The following SLC17A6 variants were observed in gnomAD, a reference collection of about 807,000 sequenced individuals.
SLC17A6 encodes solute carrier family 17 member 6, also known as vesicular glutamate transporter 2.
In SLC17A6, 35 loss-of-function variants were observed where a neutral mutation model predicts 67.1. The ratio of observed to expected loss-of-function variants is 0.52; its 90% CI spans 0.40 to 0.69. The LOEUF (loss-of-function observed/expected upper bound fraction) is 0.69. Among genes scored for constraint, SLC17A6 ranks in the 30% least tolerant of loss-of-function variants. The probability of loss-of-function intolerance (pLI) is 0.00; values close to 1 mark genes in which losing one functional copy is unlikely to be tolerated. For missense variants in SLC17A6, 588 were observed against 723.9 expected, an observed-to-expected ratio of 0.81 and a Z score of 2.15; for synonymous variants, 285 against 252.3, an observed-to-expected ratio of 1.13 and a Z score of -1.23.
intron 7 of SLC17A6, among the ~76,000 whole-genome samples, chr11:22,369,620 A>T (rs1175846052): frequency 6.6e-6 from 1 of 151,804 alleles, no homozygotes; most frequent in African/African-American, 2.4e-5. Flanking sequence ...AATACATTGG[A>T]TTTTCAACGT....
At chr11:22,341,428 C>T (rs1855814126) in intron 1 of SLC17A6, 100 bp from the exon 2 acceptor site, 1 of 1,513,834 alleles carries the variant, frequency 6.6e-7, no homozygotes, top group South Asian at 1.3e-5. Flanking sequence ...GGTCGACGGC[C>T]CTCCTCCCAA....
chr11:22,347,706 A>G (rs1476060212), intron 3 of SLC17A6, among the ~76,000 whole-genome samples: 1 of 152,132 alleles, frequency 6.6e-6, no homozygotes. Context: ...AATTCCGTAA[A>G]TTTTATTTGA....
At position 22,373,051 on chromosome 11, in the gene SLC17A6, C is replaced by G. The variant is rs571806557; in HGVS notation, c.1042-1704C>G. 2.1e-4 allele frequency among the ~76,000 whole-genome samples: 32 copies of G among 152,258 alleles called. No individual in the cohort carries two copies. In the South Asian group the frequency reaches 5.4e-3, roughly 26 times the overall value. On this transcript the variant is annotated intron_variant, in intron 8 of 11. Coordinates refer to ENST00000263160, the MANE Select transcript of SLC17A6 (RefSeq NM_020346.3). Reference sequence around the variant, plus strand: ...CATTAACCCTGTAGATTTTTAGCACCTTGCATTTTCCATAGTGCTTTGCAC... The same window carrying G: ...CATTAACCCTGTAGATTTTTAGCACGTTGCATTTTCCATAGTGCTTTGCAC...
At chr11:22,367,290 A>T (rs1274613250) in intron 7 of SLC17A6, among the ~76,000 whole-genome samples, 1 of 152,122 alleles carries the variant, frequency 6.6e-6, no homozygotes, top group Admixed American at 6.6e-5. Context: ...TTAAAAAAAA[A>T]AAAAGTCTAT....
rs747226260 is a variant in SLC17A6 at position 22,376,086 on chromosome 11, A to G, written c.1279A>G (p.Ile427Val). 7 of 1,607,422 alleles carry G rather than the reference A, an allele frequency of 4.4e-6. No homozygotes were observed. Among genetic ancestry groups the G allele is most frequent in the Middle Eastern group, 1.7e-4 (1 of 6,060 alleles). Residue 427 changes from isoleucine (I) to valine (V), a missense_variant, in exon 10 of 12, where the codon ATA (isoleucine) becomes GTA (valine). Around this residue, in one of 4 missense-constraint regions of SLC17A6, gnomAD observed 414 missense variants for 563.4 expected, o/e 0.73. Transcript: ENST00000263160. ...TGCAGTGGGATTCAGTGGATTTGCT[A>G]TATCTGGTAAGATATAATTTTTTTT... ...VLAVGFSGFA[I>V]SGFNVNHLDI...
intron 3 of SLC17A6, among the ~76,000 whole-genome samples, chr11:22,355,662 A>G (rs1855986611): frequency 6.6e-6 from 1 of 152,112 alleles, no homozygotes; most frequent in Non-Finnish European, 1.5e-5. Flanking sequence ...CTCCTCATCC[A>G]GCATCCCACT....
intron 3 of SLC17A6, among the ~76,000 whole-genome samples, chr11:22,350,651 C>T (rs1855927413): frequency 6.6e-6 from 1 of 152,132 alleles, no homozygotes; most frequent in Non-Finnish European, 1.5e-5. Flanking sequence ...TTAGTTTGCA[C>T]ATTTCTTTCC....
At chr11:22,345,839 A>G (rs1037647963) in intron 3 of SLC17A6, among the ~76,000 whole-genome samples, 1 of 152,178 alleles carries the variant, frequency 6.6e-6, no homozygotes, top group Non-Finnish European at 1.5e-5. Flanking sequence ...AATTATAAAA[A>G]TGATAAAAAT....
chr11:22,374,583 A>C (rs1433760266), intron 8 of SLC17A6, among the ~76,000 whole-genome samples, 172 bp from the exon 9 acceptor site: 1 of 151,894 alleles, frequency 6.6e-6, no homozygotes, highest in Admixed American at 6.6e-5. Flanking sequence ...TTTCTAATTT[A>C]TTCTGTGGAA....
At chr11:22,355,880 A>T (rs1181699956) in intron 3 of SLC17A6, among the ~76,000 whole-genome samples, 1 of 152,172 alleles carries the variant, frequency 6.6e-6, no homozygotes, top group Non-Finnish European at 1.5e-5. Flanking sequence ...TTCAGCTGAG[A>T]TGAATGTTTT....
intron 1 of SLC17A6, 84 bp downstream of exon 1, chr11:22,338,703 A>T: frequency 1.0e-6 from 1 of 992,210 alleles, no homozygotes; most frequent in Non-Finnish European, 1.6e-6. Context: ...GGTGGCTCAG[A>T]AAGATTGTAA....
chr11:22,355,012 A>G (rs1043227305), intron 3 of SLC17A6, among the ~76,000 whole-genome samples: 1 of 152,238 alleles, frequency 6.6e-6, no homozygotes, highest in Non-Finnish European at 1.5e-5. Flanking sequence ...CCTAAGAGAT[A>G]CAACACATTA....
At chr11:22,364,518 T>C (rs1856087104) in intron 6 of SLC17A6, among the ~76,000 whole-genome samples, 1 of 152,140 alleles carries the variant, frequency 6.6e-6, no homozygotes, top group African/African-American at 2.4e-5. Context: ...GTAAACACTA[T>C]ATTATTCTGA....
chr11:22,339,741 G>C (rs1354133836), intron 1 of SLC17A6, among the ~76,000 whole-genome samples: 1 of 152,078 alleles, frequency 6.6e-6, no homozygotes, highest in African/African-American at 2.4e-5. Flanking sequence ...CTTCAGGTTT[G>C]GCGGGCTTCA....
chr11:22,366,181 A>G (rs2133873227), intron 7 of SLC17A6, among the ~76,000 whole-genome samples: 1 of 152,224 alleles, frequency 6.6e-6, no homozygotes, highest in East Asian at 1.9e-4. Flanking sequence ...TAATGTATAA[A>G]TTGGGTATAG....
At chr11:22,344,101 G>A (rs975090437) in intron 3 of SLC17A6, among the ~76,000 whole-genome samples, 1 of 152,188 alleles carries the variant, frequency 6.6e-6, no homozygotes, top group African/African-American at 2.4e-5. Flanking sequence ...CAGAAGGTGA[G>A]GGGCAGCTTC....
At chr11:22,339,039 A>C (rs1368670109) in intron 1 of SLC17A6, among the ~76,000 whole-genome samples, 1 of 144,906 alleles carries the variant, frequency 6.9e-6, no homozygotes, top group African/African-American at 2.5e-5. Context: ...AAAATAACCA[A>C]GAAATTCCAA....
chr11:22,349,078 T>A (rs551055556), intron 3 of SLC17A6, among the ~76,000 whole-genome samples: 6 of 152,110 alleles, frequency 3.9e-5, no homozygotes, highest in Admixed American at 1.3e-4. Flanking sequence ...ACACACACGC[T>A]ATTGGTCTGT....
In SLC17A6 at chr11:22,343,380, G is replaced by C. The variant is rs758391749; in HGVS notation, c.458+15G>C. Reference sequence around the variant, plus strand: ...GCAGCCAACAGGTAATGCGCCAGGCGGGACTGGGGCTCGGGGCGTGGTGTT... The same window carrying C: ...GCAGCCAACAGGTAATGCGCCAGGCCGGACTGGGGCTCGGGGCGTGGTGTT... On this transcript the variant is annotated intron_variant, in intron 3 of 11. Coordinates refer to ENST00000263160, the MANE Select transcript of SLC17A6 (RefSeq NM_020346.3). The C allele has an allele frequency of 1.3e-6, 2 of 1,590,262 alleles. No homozygotes were observed. Among genetic ancestry groups the C allele is most frequent in the East Asian group, 2.2e-5 (1 of 44,728 alleles).
Sources: gnomAD v4.1 joint callset for allele counts (sites outside exome capture counted in the v4.1 genomes callset) on GRCh38, gnomAD v4.1.1 for gene constraint, gnomAD v4.1.1 regional missense constraint, MANE v1.5 for transcripts, NCBI Gene and HGNC (gene_info 2026-07-23, HGNC 2026-07-21) for gene names.